STRA8: variants seen among roughly 807,000 people sequenced by gnomAD.
STRA8 encodes stimulated by retinoic acid 8.
In STRA8, 18 loss-of-function variants were observed where a neutral mutation model predicts 37.1. The ratio of observed to expected loss-of-function variants is 0.48; its 90% CI spans 0.34 to 0.72. The LOEUF is 0.72. Among genes scored for constraint, STRA8 ranks in the 30% least tolerant of loss-of-function variants. STRA8 has a pLI of 0.01. For missense variants in STRA8, 357 were observed against 410.4 expected (o/e 0.87, Z 1.13); for synonymous variants, 168 against 162.9 (o/e 1.03, Z -0.24).
chr7:135,245,225 T>C, intron 4 of STRA8, 63 bp from the exon 5 acceptor site: 1 of 778,928 alleles, frequency 1.3e-6, no homozygotes, highest in Non-Finnish European at 2.4e-6. Flanking sequence ...TGCTAAGAAT[T>C]TCTTGTCCAT....
chr7:135,243,432 GA>G, intron 4 of STRA8, 22 bp downstream of exon 4: 1 of 1,609,420 alleles, frequency 6.2e-7, no homozygotes, highest in Non-Finnish European at 8.5e-7. Context: ...CAAACCCCAG[GA>G]AGCTGGGGAC....
chr7:135,251,895 T>C (rs1271400381), intron 7 of STRA8, 26 bp downstream of exon 7: 3 of 1,606,412 alleles, frequency 1.9e-6, no homozygotes, highest in African/African-American at 2.7e-5. Flanking sequence ...TGAGATAGCA[T>C]GTGCCCCTGT....
At chr7:135,250,417 T>C (rs993201170) in intron 6 of STRA8, among the ~76,000 whole-genome samples, 4 of 152,194 alleles carry the variant, frequency 2.6e-5, no homozygotes, top group African/African-American at 9.6e-5. Flanking sequence ...AGCACAGGTC[T>C]TTCTGTGGCC....
intron 6 of STRA8, among the ~76,000 whole-genome samples, chr7:135,249,326 G>GT (rs1484967866): frequency 6.6e-6 from 1 of 152,188 alleles, no homozygotes; most frequent in African/African-American, 2.4e-5. Context: ...ATGCCAGTCT[G>GT]TAATTCCAGC....
chr7:135,253,155 G>C (rs1832659431), intron 7 of STRA8, among the ~76,000 whole-genome samples: 1 of 152,104 alleles, frequency 6.6e-6, no homozygotes, highest in South Asian at 2.1e-4. Flanking sequence ...GGCTGGTCTC[G>C]AACCCCTGAC....
intron 8 of STRA8, 55 bp from the exon 9 acceptor site, chr7:135,258,363 T>TG: frequency 6.8e-7 from 1 of 1,475,246 alleles, no homozygotes; most frequent in Non-Finnish European, 9.3e-7. Context: ...CCTATCTGCC[T>TG]CGGGCCCAAG....
intron 1 of STRA8, among the ~76,000 whole-genome samples, chr7:135,236,592 C>T (rs1315919768): frequency 6.6e-6 from 1 of 152,178 alleles, no homozygotes; most frequent in Non-Finnish European, 1.5e-5. Context: ...GGATATCCAG[C>T]TTCTTCACCC....
chr7:135,255,885 C>T (rs1367853553), intron 8 of STRA8, among the ~76,000 whole-genome samples: 1 of 152,228 alleles, frequency 6.6e-6, no homozygotes, highest in African/African-American at 2.4e-5. Flanking sequence ...TTGTGTGAAC[C>T]TTTGACACCT....
intron 1 of STRA8, among the ~76,000 whole-genome samples, chr7:135,238,654 C>T (rs10281202): frequency 0.41 from 62,673 of 152,000 alleles, 13,382 homozygotes; most frequent in South Asian, 0.56. Flanking sequence ...ACCTAAATCC[C>T]CTGGTGTCCA....
intron 2 of STRA8, 60 bp from the exon 3 acceptor site, chr7:135,242,721 C>G: frequency 1.3e-6 from 2 of 1,567,276 alleles, no homozygotes; most frequent in Non-Finnish European, 1.8e-6. Flanking sequence ...TTCCTGGGTC[C>G]ACAAAATCAG....
rs1298925336 is a variant in STRA8 at position 135,250,244 on chromosome 7, C to G, written c.880-1552C>G. Among the ~76,000 whole-genome samples, 5 of 152,184 alleles carry G rather than the reference C, an allele frequency of 3.3e-5. No homozygotes were observed. The East Asian group carries it at 9.6e-4, about 29-fold the overall frequency. On this transcript the variant is annotated intron_variant, in intron 6 of 8. Transcript: ENST00000662584. ...TGGAGCCTGGTCTGGGGTCCCCTCT[C>G]AGGCTGGCTTGTGAGGGGGATTTGC...
Position 135,246,135 on chromosome 7 carries a change from T to C in STRA8, c.594-282T>C. ...CCCTTAGGATGAGAGCTGAGGCAGC[T>C]ACGCCTCTTATCTGCTTCTGTCTAA... On this transcript the variant is annotated intron_variant, in intron 5 of 8. Coordinates refer to ENST00000662584, the MANE Select transcript of STRA8 (RefSeq NM_001394401.1). This position sits in a 1 kb window ranked among gnomAD's most constrained non-coding sequence, Gnocchi z 5.4. The C allele has an allele frequency of 2.0e-6, 1 of 498,204 alleles. No homozygotes were observed. The highest frequency in any genetic ancestry group is 3.6e-6 in the Non-Finnish European group (1 of 277,822). 30.9% of individuals were successfully genotyped at this position (498,204 alleles called of 1,614,324 possible). A position where few individuals can be genotyped will look rare whatever the true frequency, so the allele number is the denominator to read the frequency against.
At chr7:135,242,929 G>C (rs1379208791) in intron 3 of STRA8, 73 bp downstream of exon 3, 2 of 1,493,812 alleles carry the variant, frequency 1.3e-6, no homozygotes, top group Non-Finnish European at 1.9e-6. Flanking sequence ...ATTGAAAACA[G>C]AAGTTGGGTT....
chr7:135,249,685 G>C (rs1028778411), intron 6 of STRA8, among the ~76,000 whole-genome samples: 5 of 152,226 alleles, frequency 3.3e-5, no homozygotes, highest in African/African-American at 1.2e-4. Flanking sequence ...ACATTTCTCA[G>C]AACTTATCCC....
rs377245804 is a variant in STRA8 at position 135,257,336 on chromosome 7, A to T, written c.1066-1082A>T. 3.3e-5 allele frequency among the ~76,000 whole-genome samples: 5 copies of T among 152,336 alleles called. No individual in the cohort carries two copies. The South Asian group carries it at 6.2e-4, about 19-fold the overall frequency. On this transcript the variant is annotated intron_variant, in intron 8 of 8. Coordinates refer to ENST00000662584, the MANE Select transcript of STRA8 (RefSeq NM_001394401.1). ...CAGACAGAAGGAGCAAAGCCTCAGG[A>T]ACATATTTTTAGAGGAAGAAGTCAT...
chr7:135,240,952 G>A (rs2117793533), intron 2 of STRA8, among the ~76,000 whole-genome samples: 1 of 152,174 alleles, frequency 6.6e-6, no homozygotes, highest in East Asian at 1.9e-4. Context: ...GTGAGGGCAT[G>A]CTCTCTGGTT....
upstream of STRA8, among the ~76,000 whole-genome samples, chr7:135,232,806 T>TCG (rs1832313142): frequency 6.6e-6 from 1 of 152,188 alleles, no homozygotes; most frequent in African/African-American, 2.4e-5. Context: ...GATAGTCCTC[T>TCG]CAGTCCCTGC....
chr7:135,241,360 G>A (rs1193014795), intron 2 of STRA8, among the ~76,000 whole-genome samples: 1 of 152,156 alleles, frequency 6.6e-6, no homozygotes, highest in Non-Finnish European at 1.5e-5. Flanking sequence ...GCCTGGCAGA[G>A]CACTGTGACT....
Position 135,249,540 on chromosome 7 carries a change from C to T in STRA8, c.880-2256C>T, listed in dbSNP as rs1406487511. Among the ~76,000 whole-genome samples, 4 of 152,280 alleles carry T rather than the reference C, an allele frequency of 2.6e-5. No homozygotes were observed. In the East Asian group the frequency reaches 7.7e-4, roughly 29 times the overall value. On this transcript the variant is annotated intron_variant, in intron 6 of 8. Transcript: ENST00000662584. The stretch of plus-strand genomic sequence containing the variant: ...TGGAGGTTGCAGTGAGCCGAGATCA[C>T]ACCATTGCACTCCAGCCTGGGTGAC...
Sources: allele counts gnomAD v4.1 joint callset (sites outside exome capture counted in the v4.1 genomes callset), GRCh38; gene constraint gnomAD v4.1.1; non-coding constraint Gnocchi (gnomAD v3.1); transcripts MANE v1.5; gene names NCBI Gene and HGNC (gene_info 2026-07-23, HGNC 2026-07-21).